Variants in COPS6 observed in about 807,000 individuals in gnomAD.
COPS6 encodes the protein COP9 signalosome subunit 6, also known as COP9 signalosome complex subunit 6.
A neutral mutation model predicts 41.0 loss-of-function variants in COPS6; 9 were observed. The ratio of observed to expected loss-of-function variants is 0.22; its 90% CI spans 0.13 to 0.38. The LOEUF is 0.38. Ranked by LOEUF, COPS6 falls within the 10% of genes least tolerant of loss-of-function variation. The pLI is 1.00. For synonymous variants in COPS6, 179 were observed against 162.9 expected (o/e 1.10, Z -0.75); for missense variants, 302 against 436.7 (o/e 0.69, Z 2.75).
Position 100,089,435 on chromosome 7 carries a change from T to C in COPS6, c.202+20T>C. 6.2e-7 allele frequency: 1 copy of C among 1,613,756 alleles called. No homozygotes were observed. Among genetic ancestry groups the C allele is most frequent in the Non-Finnish European group, 8.5e-7 (1 of 1,179,930 alleles). The stretch of plus-strand genomic sequence containing the variant: ...TGCAGGGTGAGTGTTGGGCATAGAC[T>C]CCAGTCTCTTCTCCTTGCTCACCTC... On this transcript the variant is annotated intron_variant, in intron 2 of 9. Coordinates refer to ENST00000303904, the MANE Select transcript of COPS6 (RefSeq NM_006833.5).
At chr7:100,089,223 A>G in intron 1 of COPS6, 67 bp from the exon 2 acceptor site, 4 of 1,556,362 alleles carry the variant, frequency 2.6e-6, no homozygotes, top group Non-Finnish European at 3.5e-6. Context: ...GCCGTCCCCC[A>G]CTGCCATCTC....
rs898544948 is a variant in COPS6 at position 100,092,048 on chromosome 7, G to A, written c.*259G>A. Reference sequence around the variant, plus strand: ...GCACTACCATTTGAAGTGACCCCATGTCAGTCACATGGACTGGTCTTTAGC... The same window carrying A: ...GCACTACCATTTGAAGTGACCCCATATCAGTCACATGGACTGGTCTTTAGC... On this transcript the variant is annotated 3_prime_UTR_variant, in exon 10 of 10. Coordinates refer to ENST00000303904, the MANE Select transcript of COPS6 (RefSeq NM_006833.5). 3 of 516,748 alleles carry A rather than the reference G, an allele frequency of 5.8e-6. No homozygotes were observed. In the Admixed American group the frequency reaches 9.9e-5, roughly 17 times the overall value. The allele number at this position is 516,748 out of a possible 1,614,324, so 32.0% of individuals were successfully genotyped here. A position where few individuals can be genotyped will look rare whatever the true frequency, so the allele number is the denominator to read the frequency against.
Position 100,091,949 on chromosome 7 carries a change from G to A in COPS6, c.*160G>A. The A allele has an allele frequency of 2.3e-6, 2 of 858,102 alleles. No homozygotes were observed. Among genetic ancestry groups the A allele is most frequent in the South Asian group, 3.5e-5 (2 of 56,496 alleles). 53.2% of individuals were successfully genotyped at this position (858,102 alleles called of 1,614,324 possible). ...TCCTCTGTTAGGCACCACACTGGTT[G>A]GTCAACTTGGATGTTCATCGAGGCT... On this transcript the variant is annotated 3_prime_UTR_variant, in exon 10 of 10. Coordinates refer to ENST00000303904, the MANE Select transcript of COPS6 (RefSeq NM_006833.5). This position sits in a 1 kb window ranked among gnomAD's most constrained non-coding sequence, Gnocchi z 4.1.
intron 1 of COPS6, 71 bp from the exon 2 acceptor site, chr7:100,089,219 C>A: frequency 1.3e-6 from 2 of 1,549,060 alleles, no homozygotes; most frequent in Non-Finnish European, 1.7e-6. Context: ...CTCCGCCGTC[C>A]CCCACTGCCA....
intron 3 of COPS6, 49 bp from the exon 4 acceptor site, chr7:100,090,350 A>C (rs75914464): frequency 1.1e-5 from 3 of 261,656 alleles, no homozygotes; most frequent in Non-Finnish European, 1.9e-5. Flanking sequence ...TCCGTCTCAG[A>C]AAAAAAAAAA....
At chr7:100,089,933 G>T (rs1795287199) in intron 3 of COPS6, 187 bp downstream of exon 3, 2 of 583,900 alleles carry the variant, frequency 3.4e-6, no homozygotes, top group South Asian at 4.2e-5. Flanking sequence ...AGAAAGCAAA[G>T]GATGAGAGGA....
intron 3 of COPS6, 153 bp from the exon 4 acceptor site, chr7:100,090,246 G>A (rs1201403919): frequency 1.6e-6 from 1 of 623,782 alleles, no homozygotes; most frequent in African/African-American, 1.8e-5. Context: ...TACGCGGGAT[G>A]CTGAGGCAGG....
rs936614442 is a variant in COPS6 at position 100,089,597 on chromosome 7, T to C, written c.203-18T>C. On this transcript the variant is annotated intron_variant, in intron 2 of 9. Coordinates refer to ENST00000303904, the MANE Select transcript of COPS6 (RefSeq NM_006833.5). ...AGTTTCTTTACCCTCACCTTTTCCA[T>C]GTCATTCTCTTTCCCAGTGATTGGG... The C allele has an allele frequency of 1.2e-6, 2 of 1,610,454 alleles. No individual in the cohort carries two copies. Among genetic ancestry groups the C allele is most frequent in the South Asian group, 1.1e-5 (1 of 90,788 alleles).
Position 100,089,466 on chromosome 7 carries a change from G to C in COPS6, c.202+51G>C, listed in dbSNP as rs2116535040. ...CTCTTCTCCTTGCTCACCTCCCCCA[G>C]GCAGTGGTCTTTTCCCCTTCCTCTA... On this transcript the variant is annotated intron_variant, in intron 2 of 9. Coordinates refer to ENST00000303904, the MANE Select transcript of COPS6 (RefSeq NM_006833.5). 3.1e-6 allele frequency: 5 copies of C among 1,611,432 alleles called. No individual in the cohort carries two copies. In the East Asian group the frequency reaches 1.1e-4, roughly 36 times the overall value.
intron 3 of COPS6, 48 bp from the exon 4 acceptor site, chr7:100,090,351 A>C (rs79473896): frequency 3.4e-6 from 3 of 890,964 alleles, no homozygotes; most frequent in Non-Finnish European, 4.7e-6. Flanking sequence ...CCGTCTCAGA[A>C]AAAAAAAAAA....
At position 100,091,793 on chromosome 7, in the gene COPS6, G is replaced by C. The variant is rs1052151030; in HGVS notation, c.*4G>C. The stretch of plus-strand genomic sequence containing the variant: ...AATGCGCGGGCTCTTTTTCTGATGA[G>C]GGTACTTGAAGGGCTGATGGACAGG... On this transcript the variant is annotated 3_prime_UTR_variant, in exon 10 of 10. Transcript: ENST00000303904. This position sits in a 1 kb window ranked among gnomAD's most constrained non-coding sequence, Gnocchi z 4.1. The C allele has an allele frequency of 3.7e-6, 6 of 1,614,204 alleles. No individual in the cohort carries two copies. The Admixed American group carries it at 6.7e-5, about 18-fold the overall frequency.
At position 100,091,911 on chromosome 7, in the gene COPS6, G is replaced by A; in HGVS notation, c.*122G>A. 7.7e-7 allele frequency: 1 copy of A among 1,291,108 alleles called. No homozygotes were observed. The highest frequency in any genetic ancestry group is 1.1e-6 in the Non-Finnish European group (1 of 926,502). 80.0% of individuals were successfully genotyped at this position (1,291,108 alleles called of 1,614,324 possible). A position where few individuals can be genotyped will look rare whatever the true frequency, so the allele number is the denominator to read the frequency against. On this transcript the variant is annotated 3_prime_UTR_variant, in exon 10 of 10. Transcript: ENST00000303904. The surrounding 1 kb of genome is among the most constrained non-coding windows in gnomAD (Gnocchi z 4.1). ...AGGGGAGCAGCCCCTGAGCACCCCT[G>A]CTGGTGGCTCTGTCCTCTGTTAGGC...
chr7:100,091,420 G>A lies in COPS6; in HGVS notation c.743G>A (p.Gly248Glu). ...ILEYVKASEA[G>E]EVPFNHEILR... ...ATGTAGTCTCTTTTTGTGCCTTTAG[G>A]AGAGGTCCCCTTTAATCATGAGATC... is the stretch of plus-strand genomic sequence containing the variant. The change falls in exon 9 of 10, where the codon GGA (glycine) becomes GAA (glutamate). Residue 248 changes from glycine (G) to glutamate (E), a missense_variant and splice_region_variant. Coordinates refer to ENST00000303904, the MANE Select transcript of COPS6 (RefSeq NM_006833.5). The surrounding 1 kb of genome is among the most constrained non-coding windows in gnomAD (Gnocchi z 4.1). The A allele has an allele frequency of 6.2e-7, 1 of 1,614,018 alleles. No individual in the cohort carries two copies. Among genetic ancestry groups the A allele is most frequent in the Non-Finnish European group, 8.5e-7 (1 of 1,179,924 alleles).
rs1229712357 is a variant in COPS6 at position 100,091,795 on chromosome 7, G to A, written c.*6G>A. On this transcript the variant is annotated 3_prime_UTR_variant, in exon 10 of 10. Transcript: ENST00000303904. This position sits in a 1 kb window ranked among gnomAD's most constrained non-coding sequence, Gnocchi z 4.1. Reference sequence around the variant, plus strand: ...TGCGCGGGCTCTTTTTCTGATGAGGGTACTTGAAGGGCTGATGGACAGGGG... The same window carrying A: ...TGCGCGGGCTCTTTTTCTGATGAGGATACTTGAAGGGCTGATGGACAGGGG... 1 of 1,614,196 alleles carries A rather than the reference G, an allele frequency of 6.2e-7. No homozygotes were observed. Among genetic ancestry groups the A allele is most frequent in the Admixed American group, 1.7e-5 (1 of 60,026 alleles).
Position 100,089,691 on chromosome 7 carries a change from C to G in COPS6, c.279C>G (p.Thr93=), listed in dbSNP as rs775492343. ...VMNSFELLSH[T]VEEKIIIDKE... ...ACTCCTTTGAGCTGCTGTCCCACAC[C>G]GTGGAAGAGAAGATTATCATTGACA... Residue 93 remains threonine, a synonymous_variant, in exon 3 of 10, where the codon ACC becomes ACG. Coordinates refer to ENST00000303904, the MANE Select transcript of COPS6 (RefSeq NM_006833.5). 10 of 1,613,602 alleles carry G rather than the reference C, an allele frequency of 6.2e-6. No individual in the cohort carries two copies. The highest frequency in any genetic ancestry group is 8.5e-6 in the Non-Finnish European group (10 of 1,179,880).
intron 3 of COPS6, 102 bp from the exon 4 acceptor site, chr7:100,090,297 G>T: frequency 1.2e-6 from 1 of 813,478 alleles, no homozygotes; most frequent in South Asian, 1.6e-5. Flanking sequence ...GTGGTGAGCT[G>T]AGATCATGCC....
intron 3 of COPS6, 75 bp downstream of exon 3, chr7:100,089,821 G>C: frequency 2.7e-6 from 4 of 1,465,140 alleles, no homozygotes; most frequent in Non-Finnish European, 3.7e-6. Context: ...AGATGGAGAG[G>C]GTTGGAAAGA....
chr7:100,089,237 G>C (rs949271193), intron 1 of COPS6, 53 bp from the exon 2 acceptor site: 2 of 1,579,972 alleles, frequency 1.3e-6, no homozygotes, highest in Non-Finnish European at 1.7e-6. Flanking sequence ...CCATCTCCAG[G>C]GAAGAACGTG....
chr7:100,089,071 C>T lies in COPS6; in HGVS notation c.76+5C>T, dbSNP rs921550755. ...GGATGGAGGTGGATGCAGCAGGTAA[C>T]GGGCCGTGCGGGGGTGGCTTCCGGA... On this transcript the variant is annotated splice_donor_5th_base_variant and intron_variant, in intron 1 of 9. Coordinates refer to ENST00000303904, the MANE Select transcript of COPS6 (RefSeq NM_006833.5). 7.1e-7 allele frequency: 1 copy of T among 1,414,712 alleles called. No individual in the cohort carries two copies. The highest frequency in any genetic ancestry group is 1.7e-5 in the South Asian group (1 of 59,704). 87.6% of individuals were successfully genotyped at this position (1,414,712 alleles called of 1,614,324 possible).
Sources: allele counts gnomAD v4.1 joint callset, GRCh38; gene constraint gnomAD v4.1.1; non-coding constraint Gnocchi (gnomAD v3.1); transcripts MANE v1.5; gene names NCBI Gene and HGNC (gene_info 2026-07-23, HGNC 2026-07-21).